GPM6A: variants seen among roughly 807,000 people sequenced by gnomAD.
The protein encoded by GPM6A is neuronal membrane glycoprotein M6-a.
In GPM6A, 7 loss-of-function variants were observed where a neutral mutation model predicts 32.1. The ratio of observed to expected loss-of-function variants is 0.22; its 90% CI spans 0.12 to 0.41. The LOEUF is 0.41. Among genes scored for constraint, GPM6A ranks in the 10% least tolerant of loss-of-function variants. The pLI is 1.00. For synonymous variants in GPM6A, 130 were observed against 123.4 expected (o/e 1.05, Z -0.35); for missense variants, 235 against 347.2 (o/e 0.68, Z 2.57).
At chr4:175,684,214 T>C (rs1007865741) in intron 2 of GPM6A, among the ~76,000 whole-genome samples, 1 of 152,204 alleles carries the variant, frequency 6.6e-6, no homozygotes, top group Non-Finnish European at 1.5e-5. Flanking sequence ...AAGTGACAGA[T>C]GTTACAAATA....
chr4:175,859,415 T>C (rs1291395896), intron 1 of GPM6A, among the ~76,000 whole-genome samples: 5 of 152,240 alleles, frequency 3.3e-5, no homozygotes, highest in Non-Finnish European at 7.3e-5. Context: ...AGAGGCAATG[T>C]AATCTTCTAA....
At chr4:175,654,651 G>GCT (rs34266718) in intron 3 of GPM6A, among the ~76,000 whole-genome samples, 11 of 151,910 alleles carry the variant, frequency 7.2e-5, no homozygotes, top group African/African-American at 2.4e-4. Context: ...TTCAAAATGA[G>GCT]CTCTCTCTCT....
intron 3 of GPM6A, among the ~76,000 whole-genome samples, chr4:175,666,942 G>C (rs906556977): frequency 5.3e-5 from 8 of 152,120 alleles, no homozygotes; most frequent in African/African-American, 1.7e-4. Flanking sequence ...TTAAACTATA[G>C]TATATTTGTA....
intron 1 of GPM6A, among the ~76,000 whole-genome samples, chr4:175,801,199 G>C (rs1460890245): frequency 6.6e-6 from 1 of 151,970 alleles, no homozygotes; most frequent in Non-Finnish European, 1.5e-5. Flanking sequence ...GAGAATGCTG[G>C]GTAAGTTTAC....
At chr4:175,638,488 A>G (rs1228432357) in intron 6 of GPM6A, among the ~76,000 whole-genome samples, 1 of 152,170 alleles carries the variant, frequency 6.6e-6, no homozygotes, top group Non-Finnish European at 1.5e-5. Flanking sequence ...TATAGCTTTA[A>G]GTATATGCAA....
At position 175,939,265 on chromosome 4, in the gene GPM6A, T is replaced by TGAGGGGGTAA. The variant is rs572800525; in HGVS notation, c.-23+63034_-23+63043dup. On this transcript the variant is annotated intron_variant, in intron 1 of 7. Transcript: ENST00000280187. ...CAGCTGCTGCAGGGCCAAAGAGCCC[T>TGAGGGGGTAA]GAGGGGGTAAAACAATAGGCAAGCT... Among the ~76,000 whole-genome samples, 88 of 152,304 alleles carry TGAGGGGGTAA rather than the reference T, an allele frequency of 5.8e-4. No individual in the cohort carries two copies. The South Asian group carries it at 0.012, about 22-fold the overall frequency.
intron 3 of GPM6A, among the ~76,000 whole-genome samples, chr4:175,661,250 A>T (rs139537717): frequency 0.013 from 1,988 of 152,156 alleles, 30 homozygotes; most frequent in Middle Eastern, 0.051. Flanking sequence ...TTCAGATGAA[A>T]TGGCGAAACC....
chr4:175,823,529 A>G (rs1010375672), intron 1 of GPM6A, among the ~76,000 whole-genome samples: 10 of 152,230 alleles, frequency 6.6e-5, no homozygotes, highest in Non-Finnish European at 1.2e-4. Flanking sequence ...GTGGCTTGCC[A>G]TAAGTCCTGA....
chr4:175,828,870 A>G (rs1215458762), intron 1 of GPM6A, among the ~76,000 whole-genome samples: 3 of 152,094 alleles, frequency 2.0e-5, no homozygotes, highest in Non-Finnish European at 4.4e-5. Flanking sequence ...CTGTAAATTT[A>G]TATTGGCATT....
At chr4:175,791,751 C>T (rs559128032) in intron 1 of GPM6A, among the ~76,000 whole-genome samples, 2 of 151,986 alleles carry the variant, frequency 1.3e-5, no homozygotes, top group East Asian at 3.9e-4. Flanking sequence ...CATATTTTAC[C>T]CATTTATTCA....
intron 1 of GPM6A, among the ~76,000 whole-genome samples, chr4:175,903,770 T>C (rs1157667891): frequency 2.0e-5 from 3 of 152,164 alleles, no homozygotes; most frequent in Non-Finnish European, 4.4e-5. Context: ...GAGAAACTCT[T>C]TCAGATTGAA....
intron 1 of GPM6A, among the ~76,000 whole-genome samples, chr4:175,724,437 G>A (rs370554415): frequency 2.0e-5 from 3 of 152,200 alleles, no homozygotes; most frequent in Admixed American, 6.5e-5. Flanking sequence ...CCAGCTACTC[G>A]GGAGGCTAAG....
rs569310842 is a variant in GPM6A, at chr4:175,750,862, C to T, written c.38-49095G>A. Among the ~76,000 whole-genome samples, 3 of 152,152 alleles carry T rather than the reference C, an allele frequency of 2.0e-5. No individual in the cohort carries two copies. The South Asian group carries it at 6.2e-4, about 32-fold the overall frequency. On this transcript the variant is annotated intron_variant, in intron 1 of 6. Coordinates refer to ENST00000393658, the MANE Select transcript of GPM6A (RefSeq NM_201591.3). ...TGCTGGGATTACAGGCATGAGTCAC[C>T]ACGCTGAGGCTATTTTACTACAGCC...
chr4:175,866,604 C>T (rs1462050544), intron 1 of GPM6A, among the ~76,000 whole-genome samples: 1 of 151,992 alleles, frequency 6.6e-6, no homozygotes, highest in Non-Finnish European at 1.5e-5. Flanking sequence ...TGGTTTATTT[C>T]TTTTTAGTAA....
intron 5 of GPM6A, 56 bp downstream of exon 5, chr4:175,640,697 T>C: frequency 1.7e-6 from 2 of 1,159,936 alleles, no homozygotes; most frequent in Non-Finnish European, 2.6e-6. Context: ...ATTATCCAAA[T>C]AATAAAAAAT....
intron 1 of GPM6A, among the ~76,000 whole-genome samples, chr4:175,848,631 A>G (rs1286976155): frequency 6.6e-6 from 1 of 152,204 alleles, no homozygotes; most frequent in Non-Finnish European, 1.5e-5. Flanking sequence ...TTGGAAAATT[A>G]TAATTCCATT....
At chr4:175,958,893 T>C (rs538068564) in intron 1 of GPM6A, among the ~76,000 whole-genome samples, 17 of 152,332 alleles carry the variant, frequency 1.1e-4, no homozygotes, top group African/African-American at 4.1e-4. Flanking sequence ...AACCGGAATT[T>C]GTTGTCTTCA....
intron 1 of GPM6A, among the ~76,000 whole-genome samples, chr4:175,781,847 A>G (rs144249772): frequency 9.2e-5 from 14 of 152,282 alleles, no homozygotes; most frequent in African/African-American, 3.4e-4. Context: ...TGAGACCTTC[A>G]TTATAATATT....
chr4:175,657,627 A>T (rs1330570094), intron 3 of GPM6A, among the ~76,000 whole-genome samples: 1 of 152,180 alleles, frequency 6.6e-6, no homozygotes, highest in Non-Finnish European at 1.5e-5. Flanking sequence ...GGCATGAATG[A>T]GTGGGGTACC....
Sources: gnomAD v4.1 joint callset for allele counts (sites outside exome capture counted in the v4.1 genomes callset) on GRCh38, gnomAD v4.1.1 for gene constraint, MANE v1.5 for transcripts, NCBI Gene and HGNC (gene_info 2026-07-23, HGNC 2026-07-21) for gene names.